Variants in MYBL1 observed in about 807,000 individuals in gnomAD.
MYBL1 encodes the protein myb-related protein A.
A neutral mutation model predicts 96.3 loss-of-function variants in MYBL1; 17 were observed. The ratio of observed to expected loss-of-function variants is 0.18; its 90% CI spans 0.12 to 0.26. The LOEUF (loss-of-function observed/expected upper bound fraction) is 0.26. Ranked by LOEUF, MYBL1 falls within the 10% of genes least tolerant of loss-of-function variation. The pLI, the probability that MYBL1 is intolerant of heterozygous loss-of-function variation, is 1.00. For synonymous variants in MYBL1, 282 were observed against 292.7 expected (o/e 0.96, Z 0.37); for missense variants, 701 against 882.9 (o/e 0.79, Z 2.61).
At chr8:66,601,093 CTTGAAT>C (rs1810050188) in intron 3 of MYBL1, among the ~76,000 whole-genome samples, 3 of 140,578 alleles carry the variant, frequency 2.1e-5, no homozygotes, top group Non-Finnish European at 4.5e-5. Flanking sequence ...AGGAGAATCG[CTTGAAT>C]CTGGGAGGCG....
intron 1 of MYBL1, among the ~76,000 whole-genome samples, chr8:66,603,375 C>T (rs1175263402): frequency 6.6e-6 from 1 of 151,844 alleles, no homozygotes; most frequent in Non-Finnish European, 1.5e-5. Context: ...AGAAGTGATC[C>T]AATTAACAAT....
At chr8:66,600,656 T>C (rs1480039860) in intron 3 of MYBL1, among the ~76,000 whole-genome samples, 1 of 152,192 alleles carries the variant, frequency 6.6e-6, no homozygotes, top group Admixed American at 6.6e-5. Flanking sequence ...AAGTAATTTT[T>C]CCACGCTCAT....
Position 66,566,229 on chromosome 8 carries a change from A to G in MYBL1, c.1965T>C (p.Phe655=), listed in dbSNP as rs1474631194. 1 of 1,478,366 alleles carries G rather than the reference A, an allele frequency of 6.8e-7. No individual in the cohort carries two copies. Among genetic ancestry groups the G allele is most frequent in the African/African-American group, 1.4e-5 (1 of 70,302 alleles). 91.6% of individuals were successfully genotyped at this position (1,478,366 alleles called of 1,614,324 possible). A position where few individuals can be genotyped will look rare whatever the true frequency, so the allele number is the denominator to read the frequency against. Reference sequence around the variant, plus strand: ...ATGGTATCATTAATAAGGATGTAGTAAATCTATTTTCTGACTAAGAGAGAA... The same window carrying G: ...ATGGTATCATTAATAAGGATGTAGTGAATCTATTTTCTGACTAAGAGAGAA... ...DISDMQSENR[F]TTSLLMIPLL... The change falls in exon 15 of 16, where the codon TTT becomes TTC. Residue 655 remains phenylalanine (F), a synonymous_variant. Coordinates refer to ENST00000522677, the MANE Select transcript of MYBL1 (RefSeq NM_001080416.4).
At chr8:66,569,788 T>C (rs115235139) in intron 12 of MYBL1, among the ~76,000 whole-genome samples, 30 of 152,374 alleles carry the variant, frequency 2.0e-4, no homozygotes, top group African/African-American at 7.2e-4. Context: ...ATTGTTCTAA[T>C]GTGTCAAAAG....
At chr8:66,565,544 C>T (rs1331251628) in intron 15 of MYBL1, 1 of 152,176 alleles carries the variant, frequency 6.6e-6, no homozygotes, top group Non-Finnish European at 1.5e-5. Flanking sequence ...ACTCAATGAA[C>T]TCTCAAATTC....
chr8:66,580,083 AT>A (rs1299977247), intron 9 of MYBL1, 49 bp downstream of exon 9: 1 of 1,340,154 alleles, frequency 7.5e-7, no homozygotes, highest in Non-Finnish European at 1.0e-6. Flanking sequence ...TGAGCATGAA[AT>A]CATATAACTA....
At chr8:66,588,614 CT>C (rs1809514143) in intron 8 of MYBL1, among the ~76,000 whole-genome samples, 1 of 152,096 alleles carries the variant, frequency 6.6e-6, no homozygotes, top group African/African-American at 2.4e-5. Context: ...ATTCTACCCA[CT>C]TAACAGAGTT....
At chr8:66,610,942 T>TAACTTACAC (rs980651055) in intron 1 of MYBL1, among the ~76,000 whole-genome samples, 3 of 152,194 alleles carry the variant, frequency 2.0e-5, no homozygotes, top group Non-Finnish European at 4.4e-5. Flanking sequence ...ATGTTTAAAT[T>TAACTTACAC]AACTTACACA....
At chr8:66,610,502 C>G (rs1003282834) in intron 1 of MYBL1, among the ~76,000 whole-genome samples, 2 of 151,916 alleles carry the variant, frequency 1.3e-5, no homozygotes, top group East Asian at 3.9e-4. Flanking sequence ...ATAGTTTTCA[C>G]TTGAACGCTT....
At chr8:66,568,439 G>T (rs1299365788) in intron 12 of MYBL1, among the ~76,000 whole-genome samples, 1 of 151,730 alleles carries the variant, frequency 6.6e-6, no homozygotes, top group Non-Finnish European at 1.5e-5. Context: ...CGAGTAGCTA[G>T]CACAACCTGC....
At chr8:66,566,645 AACCATTTAAAAT>A in intron 14 of MYBL1, 27 bp downstream of exon 14, 1 of 1,364,626 alleles carries the variant, frequency 7.3e-7, no homozygotes, top group Non-Finnish European at 1.0e-6. Context: ...GACTTAAAGC[AACCATTTAAAAT>A]AACAACAATA....
chr8:66,581,513 C>T (rs1809211139), intron 8 of MYBL1, among the ~76,000 whole-genome samples: 1 of 151,934 alleles, frequency 6.6e-6, no homozygotes, highest in African/African-American at 2.4e-5. Flanking sequence ...CCCATCTCTA[C>T]AAAAAATACA....
intron 1 of MYBL1, among the ~76,000 whole-genome samples, chr8:66,603,052 A>G (rs1810170141): frequency 6.6e-6 from 1 of 151,952 alleles, no homozygotes; most frequent in Non-Finnish European, 1.5e-5. Flanking sequence ...GCCTGGAACT[A>G]TACTTCTTAC....
chr8:66,609,613 C>T (rs959619093), intron 1 of MYBL1, among the ~76,000 whole-genome samples: 4 of 151,970 alleles, frequency 2.6e-5, no homozygotes, highest in African/African-American at 9.7e-5. Flanking sequence ...GTAAGACAAA[C>T]TTTACAAAAC....
At chr8:66,602,997 G>A (rs947623563) in intron 1 of MYBL1, among the ~76,000 whole-genome samples, 5 of 151,592 alleles carry the variant, frequency 3.3e-5, no homozygotes, top group South Asian at 2.1e-4. Context: ...TGCCCGACTC[G>A]GCCTCCCAAT....
At chr8:66,596,716 T>C (rs1167800772) in intron 5 of MYBL1, among the ~76,000 whole-genome samples, 1 of 152,140 alleles carries the variant, frequency 6.6e-6, no homozygotes, top group Non-Finnish European at 1.5e-5. Context: ...ATCTTCTAAG[T>C]TATGAATTTT....
At chr8:66,608,566 A>G (rs1245259946) in intron 1 of MYBL1, among the ~76,000 whole-genome samples, 1 of 152,168 alleles carries the variant, frequency 6.6e-6, no homozygotes, top group Non-Finnish European at 1.5e-5. Context: ...TAATTTGCAA[A>G]GAAAACAGGG....
chr8:66,599,126 T>C lies in MYBL1; in HGVS notation c.215A>G (p.Gln72Arg). ...AACTTTCTGCCATCGATGCTGGCAC[T>C]GAAAATCAGAGCGATTCTGAAAAAA... ...ASHLQNRSDF[Q>R]CQHRWQKVLN... The change falls in exon 4 of 16, where the codon CAG (glutamine) becomes CGG (arginine). Residue 72 changes from glutamine to arginine, a missense_variant. Physicochemically the swap from Gln to Arg is conservative, Grantham distance 43. Around this residue, in one of 5 missense-constraint regions of MYBL1, gnomAD observed 68 missense variants for 93.8 expected, o/e 0.72. Coordinates refer to ENST00000522677, the MANE Select transcript of MYBL1 (RefSeq NM_001080416.4). 1 of 1,591,096 alleles carries C rather than the reference T, an allele frequency of 6.3e-7. No homozygotes were observed. Among genetic ancestry groups the C allele is most frequent in the Non-Finnish European group, 8.5e-7 (1 of 1,170,526 alleles).
chr8:66,566,776 C>T lies in MYBL1; in HGVS notation c.1858G>A (p.Gly620Arg). The change falls in exon 14 of 16, where the codon GGG (glycine) becomes AGG (arginine). Residue 620 changes from glycine (G) to arginine (R), a missense_variant. By Grantham distance (125) the Gly-to-Arg change is moderately radical (BLOSUM62 -2). This residue lies in a region of MYBL1 where 63 missense variants were observed against 109.2 expected (regional missense o/e 0.58). Transcript: ENST00000522677. ...ACTAGTGATTTTCTGACTTTCTTCCCAGAAGCGGTATTCTAGAATGAGTAA... is the reference window on the plus strand; with the variant it reads ...ACTAGTGATTTTCTGACTTTCTTCCTAGAAGCGGTATTCTAGAATGAGTAA... The part of the protein sequence containing the change: ...KSCKQENTAS[G>R]KKVRKSLVLD... 1 of 1,609,000 alleles carries T rather than the reference C, an allele frequency of 6.2e-7. No homozygotes were observed. The highest frequency in any genetic ancestry group is 8.5e-7 in the Non-Finnish European group (1 of 1,176,424).
Sources: gnomAD v4.1 joint callset for allele counts (sites outside exome capture counted in the v4.1 genomes callset) on GRCh38, gnomAD v4.1.1 for gene constraint, gnomAD v4.1.1 regional missense constraint, MANE v1.5 for transcripts, NCBI Gene and HGNC (gene_info 2026-07-23, HGNC 2026-07-21) for gene names.